The following CMYA5 variants were observed in gnomAD, a reference collection of about 807,000 sequenced individuals.
CMYA5 encodes the protein cardiomyopathy associated 5, also known as cardiomyopathy-associated protein 5.
A neutral mutation model predicts 318.9 loss-of-function variants in CMYA5; 246 were observed. The ratio of observed to expected loss-of-function variants is 0.77; its 90% CI spans 0.70 to 0.86. The LOEUF is 0.86. CMYA5 is among the 40% of genes least tolerant of loss of function. The probability of loss-of-function intolerance (pLI) is 0.00; values close to 1 mark genes in which losing one functional copy is unlikely to be tolerated. For synonymous variants in CMYA5, 1,641 were observed against 1,729.5 expected, an observed-to-expected ratio of 0.95 and a Z score of 1.27; for missense variants, 4,589 against 4,678.2, an observed-to-expected ratio of 0.98 and a Z score of 0.56.
Position 79,732,937 on chromosome 5 carries a change from T to G in CMYA5, c.4172T>G (p.Val1391Gly), listed in dbSNP as rs1450656598. The change falls in exon 2 of 13, where the codon GTA becomes GGA. Residue 1391 changes from valine to glycine, a missense_variant. Val to Gly is a moderately radical substitution (Grantham distance 109). Around this residue, in one of 3 missense-constraint regions of CMYA5, gnomAD observed 2,132 missense variants for 2,131.3 expected, o/e 1.00. Transcript: ENST00000446378. ...GTAGATCGTCCAGTCTTAACAAAAG[T>G]AGGAAAGGGTGAATTAGGAAGTGGT... ...TPVDRPVLTK[V>G]GKGELGSGLP... is the part of the protein sequence containing the mutation. 1 of 1,613,620 alleles carries G rather than the reference T, an allele frequency of 6.2e-7. No homozygotes were observed. The highest frequency in any genetic ancestry group is 8.5e-7 in the Non-Finnish European group (1 of 1,179,768).
intron 2 of CMYA5, among the ~76,000 whole-genome samples, chr5:79,741,719 A>AT (rs1452235411): frequency 4.6e-5 from 7 of 151,938 alleles, no homozygotes; most frequent in Admixed American, 4.6e-4. Flanking sequence ...AGAAGACTGA[A>AT]TTTTTTTGGT....
At position 79,735,030 on chromosome 5, in the gene CMYA5, G is replaced by A; in HGVS notation, c.6265G>A (p.Ala2089Thr). 6.2e-7 allele frequency: 1 copy of A among 1,613,688 alleles called. No homozygotes were observed. Among genetic ancestry groups the A allele is most frequent in the Non-Finnish European group, 8.5e-7 (1 of 1,179,756 alleles). The change falls in exon 2 of 13, where the codon GCA (alanine) becomes ACA (threonine). Residue 2089 changes from alanine to threonine, a missense_variant. Physicochemically the swap from Ala to Thr is moderately conservative, Grantham distance 58. This residue lies in a region of CMYA5 where 2,431 missense variants were observed against 2,495.1 expected (regional missense o/e 0.97). Coordinates refer to ENST00000446378, the MANE Select transcript of CMYA5 (RefSeq NM_153610.5). ...ACCTGCATTGGGCAATGAAAAAGAA[G>A]CACACAGGAGCACACCTCCTTTTCC... Reference protein sequence around the residue: ...VEPALGNEKEAHRSTPPFPEE... With the variant: ...VEPALGNEKETHRSTPPFPEE...
chr5:79,800,100 G>T lies in CMYA5; in HGVS notation c.*484G>T. 6.6e-6 allele frequency: 1 copy of T among 150,570 alleles called. No individual in the cohort carries two copies. The highest frequency in any genetic ancestry group is 2.1e-4 in the South Asian group (1 of 4,826). The allele number at this position is 150,570 out of a possible 1,614,324, so 9.3% of individuals were successfully genotyped here. ...GTTTCAGCTGATTTAAATTTATAAT[G>T]AACTCTTTTGTAATAATGTATACTG... On this transcript the variant is annotated 3_prime_UTR_variant, in exon 13 of 13. Coordinates refer to ENST00000446378, the MANE Select transcript of CMYA5 (RefSeq NM_153610.5).
At chr5:79,758,388 C>T (rs1828572613) in intron 6 of CMYA5, among the ~76,000 whole-genome samples, 1 of 151,532 alleles carries the variant, frequency 6.6e-6, no homozygotes, top group Non-Finnish European at 1.5e-5. Context: ...AAAAATTAGC[C>T]AGGTGTGGTG....
Position 79,734,840 on chromosome 5 carries a change from C to T in CMYA5, c.6075C>T (p.Asn2025=), listed in dbSNP as rs1431542810. Residue 2025 remains asparagine, a synonymous_variant, in exon 2 of 13, where the codon AAC becomes AAT. Transcript: ENST00000446378. ...AAAGTTTGCTATTGGAGAAAGCAAA[C>T]ACAGAGCTTTCCTGGCCTTCCAAAG... ...ESESLLLEKA[N]TELSWPSKED... The T allele has an allele frequency of 3.1e-6, 5 of 1,613,532 alleles. No homozygotes were observed. Among genetic ancestry groups the T allele is most frequent in the African/African-American group, 1.3e-5 (1 of 74,862 alleles).
At chr5:79,744,731 T>C (rs1192716839) in intron 3 of CMYA5, among the ~76,000 whole-genome samples, 1 of 152,204 alleles carries the variant, frequency 6.6e-6, no homozygotes, top group Non-Finnish European at 1.5e-5. Flanking sequence ...TAGCCAGGCA[T>C]CTGGATGTGT....
chr5:79,747,829 C>G (rs1402183608), intron 5 of CMYA5, among the ~76,000 whole-genome samples: 6 of 152,134 alleles, frequency 3.9e-5, no homozygotes, highest in Admixed American at 1.3e-4. Context: ...CTAATGTTTT[C>G]TCCTTTTAGT....
intron 1 of CMYA5, among the ~76,000 whole-genome samples, chr5:79,712,660 A>G (rs1827419818): frequency 6.6e-6 from 1 of 152,152 alleles, no homozygotes; most frequent in Non-Finnish European, 1.5e-5. Context: ...CAAGGCTACA[A>G]TGTAAGGGCT....
At chr5:79,751,010 G>T (rs62363678) in intron 5 of CMYA5, among the ~76,000 whole-genome samples, 12 of 151,996 alleles carry the variant, frequency 7.9e-5, no homozygotes, top group African/African-American at 2.7e-4. Flanking sequence ...TATCATTTCC[G>T]CCCTCTCCAT....
At chr5:79,721,943 A>C (rs1378387947) in intron 1 of CMYA5, among the ~76,000 whole-genome samples, 1 of 152,226 alleles carries the variant, frequency 6.6e-6, no homozygotes, top group Non-Finnish European at 1.5e-5. Flanking sequence ...AGGCTAAAAA[A>C]GATCTGAATA....
rs200250426 is a variant in CMYA5, at chr5:79,738,714, G to A, written c.9949G>A (p.Val3317Ile). The stretch of plus-strand genomic sequence containing the variant: ...AGACCATGTGGAGACCGTTGGTAAC[G>A]TAGCGATGCAGAAGAAAGCTCCCAT... Reference protein sequence around the residue: ...SVDHVETVGNVAMQKKAPITE... With the variant: ...SVDHVETVGNIAMQKKAPITE... The change falls in exon 2 of 13, where the codon GTA becomes ATA. Residue 3317 changes from valine (V) to isoleucine (I), a missense_variant. Transcript: ENST00000446378. 969 of 1,613,838 alleles carry A rather than the reference G, an allele frequency of 6.0e-4. 1 individual carries two copies. The highest frequency in any genetic ancestry group is 7.5e-4 in the Non-Finnish European group (882 of 1,179,860).
At chr5:79,788,714 T>G (rs184183655) in intron 9 of CMYA5, among the ~76,000 whole-genome samples, 117 of 152,294 alleles carry the variant, frequency 7.7e-4, no homozygotes, top group Admixed American at 2.9e-3. Flanking sequence ...GTAGTCTGTT[T>G]TCTGAATTTT....
At chr5:79,739,460 T>C (rs940548454) in intron 2 of CMYA5, 57 bp downstream of exon 2, 20 of 1,248,726 alleles carry the variant, frequency 1.6e-5, no homozygotes, top group Non-Finnish European at 1.9e-5. Context: ...TTTAATTTGC[T>C]TTTACATTTT....
At chr5:79,719,159 T>C (rs542324242) in intron 1 of CMYA5, among the ~76,000 whole-genome samples, 1 of 152,290 alleles carries the variant, frequency 6.6e-6, no homozygotes, top group South Asian at 2.1e-4. Flanking sequence ...GATGAAGAAA[T>C]GTGGGAAACT....
At chr5:79,717,404 G>A (rs1827539492) in intron 1 of CMYA5, among the ~76,000 whole-genome samples, 1 of 152,218 alleles carries the variant, frequency 6.6e-6, no homozygotes, top group Non-Finnish European at 1.5e-5. Context: ...TAACTTGAAT[G>A]TAGGATGAAC....
At position 79,758,858 on chromosome 5, in the gene CMYA5, AG is replaced by A; in HGVS notation, c.11218del (p.Val3740PhefsTer13). ...MNKEDVIDSF[Q>X]VYCMEEPQDD... Reference sequence around the variant, plus strand: ...AAGGAAGATGTCATTGATTCATTTCAGGTTTACTGCATGGAGGAGCCACAAG... The same window carrying A: ...AAGGAAGATGTCATTGATTCATTTCAGTTTACTGCATGGAGGAGCCACAAG... On this transcript the variant is annotated frameshift_variant, in exon 7 of 13. Coordinates refer to ENST00000446378, the MANE Select transcript of CMYA5 (RefSeq NM_153610.5). LOFTEE classifies it high-confidence loss of function. 6.2e-7 allele frequency: 1 copy of A among 1,604,758 alleles called. No homozygotes were observed. The highest frequency in any genetic ancestry group is 8.5e-7 in the Non-Finnish European group (1 of 1,175,800).
At chr5:79,789,463 C>T (rs890250535) in intron 10 of CMYA5, among the ~76,000 whole-genome samples, 27 of 151,580 alleles carry the variant, frequency 1.8e-4, no homozygotes, top group African/African-American at 6.3e-4. Flanking sequence ...CTCACTCTGT[C>T]GCCTAGGCTA....
At chr5:79,790,287 T>A (rs899556858) in intron 10 of CMYA5, among the ~76,000 whole-genome samples, 2 of 149,744 alleles carry the variant, frequency 1.3e-5, no homozygotes, top group African/African-American at 4.9e-5. Context: ...TTTTTTTTTC[T>A]CGAATGGAGT....
chr5:79,792,440 A>C (rs1481188931), intron 11 of CMYA5, among the ~76,000 whole-genome samples: 1 of 152,256 alleles, frequency 6.6e-6, no homozygotes, highest in Non-Finnish European at 1.5e-5. Context: ...ATAATAACTG[A>C]TGATAACTGT....
Sources: gnomAD v4.1 joint callset for allele counts (sites outside exome capture counted in the v4.1 genomes callset) on GRCh38, gnomAD v4.1.1 for gene constraint, gnomAD v4.1.1 regional missense constraint, MANE v1.5 for transcripts, NCBI Gene and HGNC (gene_info 2026-07-23, HGNC 2026-07-21) for gene names.